RNF13: variants seen among roughly 807,000 people sequenced by gnomAD.
RNF13 encodes the protein ring finger protein 13.
Under a neutral mutation model 37.7 loss-of-function variants are expected in RNF13, and 19 were observed. The observed-to-expected ratio is 0.50, with a 90% CI of 0.35 to 0.74. The LOEUF is 0.74. Ranked by LOEUF, RNF13 falls within the 30% of genes least tolerant of loss-of-function variation. The pLI is 0.01. For synonymous variants in RNF13, 144 were observed against 157.8 expected (o/e 0.91, Z 0.65); for missense variants, 375 against 453.0 (o/e 0.83, Z 1.56).
chr3:149,865,687 TGGA>T (rs1280299686), intron 3 of RNF13, among the ~76,000 whole-genome samples: 1 of 152,180 alleles, frequency 6.6e-6, no homozygotes, highest in Non-Finnish European at 1.5e-5. Flanking sequence ...ACAAAAAAAT[TGGA>T]ATAGATGAGC....
intron 1 of RNF13, among the ~76,000 whole-genome samples, chr3:149,833,797 A>G (rs1458878282): frequency 1.3e-5 from 2 of 152,226 alleles, no homozygotes; most frequent in Admixed American, 6.5e-5. Context: ...AAAGGCATCA[A>G]AATTAGAAAG....
At chr3:149,912,773 G>A (rs1422000493) in intron 7 of RNF13, among the ~76,000 whole-genome samples, 1 of 152,070 alleles carries the variant, frequency 6.6e-6, no homozygotes, top group East Asian at 1.9e-4. Context: ...CCATAACGGT[G>A]GTTATCAAAA....
chr3:149,818,824 T>C (rs1163373345), intron 1 of RNF13, among the ~76,000 whole-genome samples: 1 of 152,056 alleles, frequency 6.6e-6, no homozygotes, highest in African/African-American at 2.4e-5. Flanking sequence ...GGCAGGAGAA[T>C]TGCTTGTACC....
At chr3:149,885,516 A>G (rs1487496697) in intron 4 of RNF13, among the ~76,000 whole-genome samples, 1 of 152,030 alleles carries the variant, frequency 6.6e-6, no homozygotes, top group African/African-American at 2.4e-5. Context: ...CCTATTTCCC[A>G]TTTGTATGTC....
chr3:149,939,728 T>C (rs1720065647), intron 8 of RNF13: 3 of 727,750 alleles, frequency 4.1e-6, no homozygotes, highest in Admixed American at 1.8e-5. Flanking sequence ...TTGTCGGCCT[T>C]TTGTTGACAA....
Position 149,960,078 on chromosome 3 carries a change from C to T in RNF13, c.723C>T (p.Ala241=), listed in dbSNP as rs775800445. The change falls in exon 9 of 10, where the codon GCC becomes GCT. Residue 241 remains alanine (A), a synonymous_variant. Coordinates refer to ENST00000392894, the MANE Select transcript of RNF13 (RefSeq NM_183381.3). Reference sequence around the variant, plus strand: ...CAGGAGATGAGTATGATGTATGTGCCATTTGTTTGGATGAGTATGAAGATG... The same window carrying T: ...CAGGAGATGAGTATGATGTATGTGCTATTTGTTTGGATGAGTATGAAGATG... ...FKKGDEYDVC[A]ICLDEYEDGD... 6.2e-7 allele frequency: 1 copy of T among 1,611,722 alleles called. No individual in the cohort carries two copies. The highest frequency in any genetic ancestry group is 1.1e-5 in the South Asian group (1 of 90,988).
chr3:149,850,255 C>T (rs1723010717), intron 2 of RNF13, among the ~76,000 whole-genome samples: 1 of 152,164 alleles, frequency 6.6e-6, no homozygotes, highest in Non-Finnish European at 1.5e-5. Flanking sequence ...GCTAGGATTA[C>T]AGGTGTGAGC....
intron 1 of RNF13, among the ~76,000 whole-genome samples, chr3:149,820,907 T>C (rs948277768): frequency 6.6e-6 from 1 of 152,230 alleles, no homozygotes. Flanking sequence ...TATTTGAGTT[T>C]TTATCCCTGG....
chr3:149,962,004 C>G lies in RNF13; in HGVS notation c.*900C>G. ...TATTGAAACACTGTATTATGAAAAG[C>G]TAAATTATACATCATTGTAACTATG... On this transcript the variant is annotated 3_prime_UTR_variant, in exon 10 of 10. Transcript: ENST00000392894. The G allele has an allele frequency of 6.6e-6, 1 of 152,590 alleles. No homozygotes were observed. Among genetic ancestry groups the G allele is most frequent in the East Asian group, 1.9e-4 (1 of 5,198 alleles). 9.5% of individuals were successfully genotyped at this position (152,590 alleles called of 1,614,324 possible). A position where few individuals can be genotyped will look rare whatever the true frequency, so the allele number is the denominator to read the frequency against.
At chr3:149,840,245 T>A (rs2108360872) in intron 1 of RNF13, among the ~76,000 whole-genome samples, 1 of 152,346 alleles carries the variant, frequency 6.6e-6, no homozygotes, top group Non-Finnish European at 1.5e-5. Context: ...TAGGCCAAAT[T>A]AGATGTGATC....
chr3:149,868,645 C>G (rs1014945739), intron 3 of RNF13, among the ~76,000 whole-genome samples: 2 of 150,402 alleles, frequency 1.3e-5, no homozygotes, highest in Admixed American at 6.6e-5. Context: ...CTTTCTTTCT[C>G]TCTCTCTCTT....
intron 2 of RNF13, among the ~76,000 whole-genome samples, chr3:149,848,429 C>G (rs2108380977): frequency 6.6e-6 from 1 of 152,172 alleles, no homozygotes; most frequent in South Asian, 2.1e-4. Context: ...ACTGGTAAAA[C>G]AGGGAACTAA....
intron 3 of RNF13, among the ~76,000 whole-genome samples, chr3:149,863,762 A>G (rs973841662): frequency 2.2e-4 from 34 of 151,850 alleles, no homozygotes; most frequent in African/African-American, 7.7e-4. Context: ...TTGTTTCTGA[A>G]CTCTTGCTGT....
At chr3:149,905,951 T>TA (rs1716343282) in intron 6 of RNF13, among the ~76,000 whole-genome samples, 1 of 152,186 alleles carries the variant, frequency 6.6e-6, no homozygotes, top group African/African-American at 2.4e-5. Flanking sequence ...ATATTCCAAG[T>TA]AGAAACCCCG....
intron 4 of RNF13, among the ~76,000 whole-genome samples, chr3:149,877,985 CAA>C (rs2108454006): frequency 6.6e-6 from 1 of 152,156 alleles, no homozygotes; most frequent in African/African-American, 2.4e-5. Flanking sequence ...ATTAAAATAA[CAA>C]AGCAAAATTC....
chr3:149,835,842 G>GTGGGATTGCTGGATCCCCAGTAC (rs1455097270), intron 1 of RNF13, among the ~76,000 whole-genome samples: 3 of 137,670 alleles, frequency 2.2e-5, no homozygotes, highest in South Asian at 2.2e-4. Context: ...ATCCCCAGTA[G>GTGGGATTGCTGGATCCCCAGTAC]TGGGATTGCT....
intron 8 of RNF13, among the ~76,000 whole-genome samples, chr3:149,926,466 T>G (rs1195870037): frequency 1.3e-5 from 2 of 152,168 alleles, no homozygotes; most frequent in Non-Finnish European, 2.9e-5. Context: ...CACCTTGGCC[T>G]CCCAAAGTGC....
At chr3:149,953,708 G>T (rs1431093791) in intron 8 of RNF13, among the ~76,000 whole-genome samples, 1 of 152,130 alleles carries the variant, frequency 6.6e-6, no homozygotes, top group Non-Finnish European at 1.5e-5. Context: ...ACCTGGGCTG[G>T]AATTCTGGAT....
Position 149,900,337 on chromosome 3 carries a change from AT to A in RNF13, c.410-1734del, listed in dbSNP as rs1715689116. ...CAAATAAAATAAGCTTTAAACTCAT[AT>A]GTGGTAGAGAAAATATCTTAGCAAA... On this transcript the variant is annotated intron_variant, in intron 5 of 9. Transcript: ENST00000392894. 2.6e-5 allele frequency among the ~76,000 whole-genome samples: 4 copies of A among 152,332 alleles called. No individual in the cohort carries two copies. In the South Asian group the frequency reaches 8.3e-4, roughly 32 times the overall value.
Sources: allele counts gnomAD v4.1 joint callset (sites outside exome capture counted in the v4.1 genomes callset), GRCh38; gene constraint gnomAD v4.1.1; transcripts MANE v1.5; gene names NCBI Gene and HGNC (gene_info 2026-07-23, HGNC 2026-07-21).